PCSK5: variants seen among roughly 807,000 people sequenced by gnomAD.
PCSK5 encodes proprotein convertase subtilisin/kexin type 5.
A neutral mutation model predicts 233.2 loss-of-function variants in PCSK5; 129 were observed. The observed-to-expected ratio is 0.55, with a 90% CI of 0.48 to 0.64. PCSK5 has a LOEUF of 0.64. Ranked by LOEUF, PCSK5 falls within the 30% of genes least tolerant of loss-of-function variation. The pLI is 0.00. For synonymous variants in PCSK5, 825 were observed against 879.2 expected (o/e 0.94, Z 1.09); for missense variants, 2,076 against 2,430.1 (o/e 0.85, Z 3.06).
rs59860078 is a variant in PCSK5 at position 76,007,796 on chromosome 9, T to TTGTGTGTGTGTGTG, written c.412-15910_412-15897dup. On this transcript the variant is annotated intron_variant, in intron 3 of 37. Transcript: ENST00000674117. ...CGCCTGTCACCATGCCCGGCTAATT[T>TTGTGTGTGTGTGTG]TGTGTGTGTGTGTGTGTGTGTGTGT... Among the ~76,000 whole-genome samples, 652 of 128,292 alleles carry TTGTGTGTGTGTGTG rather than the reference T, an allele frequency of 5.1e-3. 9 individuals are homozygous for TTGTGTGTGTGTGTG. Among genetic ancestry groups the TTGTGTGTGTGTGTG allele is most frequent in the Non-Finnish European group, 6.5e-3 (399 of 61,764 alleles). 84.2% of individuals were successfully genotyped at this position (128,292 alleles called of 152,430 possible).
At chr9:75,908,721 G>A (rs1227380852) in intron 1 of PCSK5, among the ~76,000 whole-genome samples, 1 of 152,126 alleles carries the variant, frequency 6.6e-6, no homozygotes, top group East Asian at 1.9e-4. Context: ...TTCCTCAAAT[G>A]AAACTTCCTA....
intron 5 of PCSK5, among the ~76,000 whole-genome samples, chr9:76,042,649 CTT>C (rs10535304): frequency 0.23 from 34,670 of 151,992 alleles, 4,243 homozygotes; most frequent in Middle Eastern, 0.3. Context: ...GAGTAAGACT[CTT>C]TGTTAAAAAA....
At chr9:76,117,154 A>G (rs1046948612) in intron 9 of PCSK5, among the ~76,000 whole-genome samples, 5 of 152,022 alleles carry the variant, frequency 3.3e-5, no homozygotes, top group Non-Finnish European at 7.4e-5. Context: ...CTAGTTTGGT[A>G]TGTGCCTGGC....
chr9:76,064,196 C>T (rs1391963724), intron 5 of PCSK5, among the ~76,000 whole-genome samples: 377 of 110,040 alleles, frequency 3.4e-3, no homozygotes, highest in Middle Eastern at 5.9e-3. Flanking sequence ...GACCCCCCCA[C>T]CTCCCTCCCG....
rs566295050 is a variant in PCSK5, at chr9:76,185,510, A to C, written c.2282+753A>C. Reference sequence around the variant, plus strand: ...GAGGTAAACTAGGCAGGGTCCAGGCAGTTTCCAGGCAGGTACATTCTTCAC... The same window carrying C: ...GAGGTAAACTAGGCAGGGTCCAGGCCGTTTCCAGGCAGGTACATTCTTCAC... On this transcript the variant is annotated intron_variant, in intron 17 of 37. Transcript: ENST00000674117. Among the ~76,000 whole-genome samples, 56 of 152,322 alleles carry C rather than the reference A, an allele frequency of 3.7e-4. 1 individual carries two copies. The South Asian group carries it at 0.011, about 31-fold the overall frequency.
intron 10 of PCSK5, among the ~76,000 whole-genome samples, chr9:76,142,920 T>C (rs1823287042): frequency 6.6e-6 from 1 of 152,216 alleles, no homozygotes; most frequent in Non-Finnish European, 1.5e-5. Context: ...GATAAATTAT[T>C]AACCTCCTTA....
intron 12 of PCSK5, among the ~76,000 whole-genome samples, chr9:76,165,656 G>A (rs553607830): frequency 6.6e-6 from 1 of 152,204 alleles, no homozygotes; most frequent in African/African-American, 2.4e-5. Flanking sequence ...TCATTTCATC[G>A]AGCACGTGAT....
chr9:76,212,844 G>A (rs1241123089), intron 20 of PCSK5, among the ~76,000 whole-genome samples: 2 of 152,158 alleles, frequency 1.3e-5, no homozygotes, highest in Non-Finnish European at 1.5e-5. Context: ...TGGAAACGAG[G>A]GTTAGAAAAG....
At chr9:76,136,026 G>A (rs549307288) in intron 10 of PCSK5, among the ~76,000 whole-genome samples, 2 of 152,072 alleles carry the variant, frequency 1.3e-5, no homozygotes, top group Non-Finnish European at 1.5e-5. Flanking sequence ...GGAGGAAACG[G>A]TATTTTACTA....
chr9:76,196,267 G>T (rs1281084876), intron 20 of PCSK5, among the ~76,000 whole-genome samples: 4 of 152,204 alleles, frequency 2.6e-5, no homozygotes, highest in Admixed American at 2.6e-4. Context: ...GTGTCTGTAG[G>T]GTTAGGAGCC....
At chr9:75,915,601 G>C (rs928433758) in intron 1 of PCSK5, among the ~76,000 whole-genome samples, 1 of 152,116 alleles carries the variant, frequency 6.6e-6, no homozygotes, top group East Asian at 1.9e-4. Flanking sequence ...AATTACCTGC[G>C]TGTATTTGAA....
intron 7 of PCSK5, among the ~76,000 whole-genome samples, chr9:76,092,007 C>T (rs1016773376): frequency 3.9e-5 from 6 of 152,110 alleles, no homozygotes; most frequent in Non-Finnish European, 2.9e-5. Flanking sequence ...CCAAAGGACC[C>T]CTCAGCAATG....
intron 3 of PCSK5, among the ~76,000 whole-genome samples, chr9:76,011,929 C>G (rs950184378): frequency 6.6e-6 from 1 of 152,044 alleles, no homozygotes; most frequent in East Asian, 1.9e-4. Flanking sequence ...CATGCAAGGT[C>G]TTTTTTTTAT....
chr9:76,158,161 A>T (rs1822686880), intron 11 of PCSK5, among the ~76,000 whole-genome samples: 1 of 151,816 alleles, frequency 6.6e-6, no homozygotes, highest in Non-Finnish European at 1.5e-5. Context: ...CAAAAAAAAT[A>T]ATAAGTATAT....
intron 1 of PCSK5, among the ~76,000 whole-genome samples, chr9:75,897,451 CAT>C (rs1825855153): frequency 6.7e-6 from 1 of 149,340 alleles, no homozygotes; most frequent in Admixed American, 6.7e-5. Flanking sequence ...GTTTATAAGA[CAT>C]ATACTCTATG....
chr9:76,274,170 C>T (rs1827619813), intron 24 of PCSK5, among the ~76,000 whole-genome samples: 1 of 151,786 alleles, frequency 6.6e-6, no homozygotes, highest in African/African-American at 2.4e-5. Flanking sequence ...TTCTTTATAT[C>T]TATCTTTGAG....
intron 37 of PCSK5, among the ~76,000 whole-genome samples, chr9:76,356,356 G>A (rs1264151550): frequency 6.6e-6 from 1 of 152,158 alleles, no homozygotes; most frequent in Non-Finnish European, 1.5e-5. Flanking sequence ...CTTCTTTACA[G>A]AGACACTCTG....
intron 7 of PCSK5, among the ~76,000 whole-genome samples, chr9:76,083,348 G>C (rs1587604212): frequency 6.6e-6 from 1 of 152,024 alleles, no homozygotes; most frequent in Non-Finnish European, 1.5e-5. Flanking sequence ...AGCTTATAGG[G>C]TTTGCTTTGT....
intron 13 of PCSK5, among the ~76,000 whole-genome samples, chr9:76,173,243 C>T (rs561936540): frequency 2.6e-5 from 4 of 152,106 alleles, no homozygotes; most frequent in East Asian, 3.9e-4. Flanking sequence ...CATCAAACAT[C>T]GATTTGTTGG....
Sources: gnomAD v4.1 joint callset for allele counts (sites outside exome capture counted in the v4.1 genomes callset) on GRCh38, gnomAD v4.1.1 for gene constraint, MANE v1.5 for transcripts, NCBI Gene and HGNC (gene_info 2026-07-23, HGNC 2026-07-21) for gene names.